Variants in CDKN2B-AS1 observed in about 807,000 individuals in gnomAD.
CDKN2B-AS1 encodes CDKN2B antisense RNA 1 (non-protein coding).
At chr9:21,998,550 G>C (rs1267018660) in intron 1 of CDKN2B-AS1, among the ~76,000 whole-genome samples, 2 of 152,180 alleles carry the variant, frequency 1.3e-5, no homozygotes, top group Non-Finnish European at 2.9e-5. Context: ...TTATCTGTGG[G>C]TCACTTATGC....
intron 1 of CDKN2B-AS1, among the ~76,000 whole-genome samples, chr9:22,023,453 G>T (rs939886616): frequency 2.0e-5 from 3 of 152,042 alleles, no homozygotes; most frequent in African/African-American, 7.2e-5. Flanking sequence ...AATTTTGGGG[G>T]TTGGGAGTGG....
intron 3 of CDKN2B-AS1, among the ~76,000 whole-genome samples, chr9:22,051,133 C>T (rs983520336): frequency 1.3e-5 from 2 of 152,140 alleles, no homozygotes; most frequent in Non-Finnish European, 2.9e-5. Context: ...CCTGTGCAGG[C>T]CTTCCTCTGG....
intron 4 of CDKN2B-AS1, among the ~76,000 whole-genome samples, chr9:22,096,845 A>G (rs949379655): frequency 7.9e-5 from 12 of 152,030 alleles, no homozygotes; most frequent in African/African-American, 2.4e-4. Flanking sequence ...TCATCAATCT[A>G]TTAGACTCAG....
chr9:22,081,276 T>C (rs1032291561), intron 4 of CDKN2B-AS1, among the ~76,000 whole-genome samples: 1 of 23,654 alleles, frequency 4.2e-5, no homozygotes, highest in African/African-American at 1.2e-3. Flanking sequence ...GTTCTTTAGC[T>C]TTTTTTTTTT....
At chr9:22,122,283 T>C (rs142487361) in intron 4 of CDKN2B-AS1, among the ~76,000 whole-genome samples, 49 of 152,216 alleles carry the variant, frequency 3.2e-4, no homozygotes, top group East Asian at 2.9e-3. Flanking sequence ...GTCCCTTATA[T>C]ATTCTAGATA....
chr9:22,077,408 T>C (rs1824537875), intron 4 of CDKN2B-AS1, among the ~76,000 whole-genome samples: 2 of 152,236 alleles, frequency 1.3e-5, no homozygotes, highest in Admixed American at 6.5e-5. Flanking sequence ...TCAGATTTTA[T>C]AACATTTGCA....
chr9:22,125,222 G>A (rs1176024737), intron 4 of CDKN2B-AS1, among the ~76,000 whole-genome samples: 1 of 152,166 alleles, frequency 6.6e-6, no homozygotes, highest in Non-Finnish European at 1.5e-5. Context: ...TGTTACTACT[G>A]AAGAAGTAAA....
chr9:22,085,758 TC>T (rs1359773780), intron 4 of CDKN2B-AS1, among the ~76,000 whole-genome samples: 1 of 150,928 alleles, frequency 6.6e-6, no homozygotes, highest in Admixed American at 6.6e-5. Flanking sequence ...TCTTTATATC[TC>T]AGGGTATCTT....
exon 5 of CDKN2B-AS1, among the ~76,000 whole-genome samples, chr9:22,127,238 C>T (rs973054701): frequency 1.3e-5 from 2 of 152,102 alleles, no homozygotes; most frequent in South Asian, 4.1e-4. Flanking sequence ...CCTGCCACCA[C>T]GCCCAGCTAA....
chr9:22,119,254 C>T (rs1332804928), intron 4 of CDKN2B-AS1: 2 of 152,096 alleles, frequency 1.3e-5, no homozygotes, highest in African/African-American at 4.8e-5. Flanking sequence ...TATATCTTAA[C>T]ATGTAATTAT....
intron 1 of CDKN2B-AS1, among the ~76,000 whole-genome samples, chr9:22,029,110 G>A (rs1348453354): frequency 6.6e-6 from 1 of 151,540 alleles, no homozygotes; most frequent in African/African-American, 2.4e-5. Flanking sequence ...TAGAAGAATA[G>A]CAGCTAATAT....
At chr9:22,103,753 C>T (rs953747137) in intron 4 of CDKN2B-AS1, among the ~76,000 whole-genome samples, 1 of 152,152 alleles carries the variant, frequency 6.6e-6, no homozygotes, top group African/African-American at 2.4e-5. Flanking sequence ...GTATTGTACT[C>T]CTTTAAAAAA....
At chr9:22,105,752 A>C (rs1825637142) in intron 4 of CDKN2B-AS1, among the ~76,000 whole-genome samples, 1 of 152,254 alleles carries the variant, frequency 6.6e-6, no homozygotes, top group Non-Finnish European at 1.5e-5. Flanking sequence ...ATGTGGGCCC[A>C]GAAATACTGT....
chr9:22,086,952 A>C (rs1824886032), intron 4 of CDKN2B-AS1, among the ~76,000 whole-genome samples: 2 of 152,206 alleles, frequency 1.3e-5, no homozygotes, highest in Non-Finnish European at 2.9e-5. Context: ...ATGTTAATGC[A>C]CACTATGGCA....
At chr9:22,098,068 T>C (rs976678069) in intron 4 of CDKN2B-AS1, among the ~76,000 whole-genome samples, 3 of 152,152 alleles carry the variant, frequency 2.0e-5, no homozygotes, top group Non-Finnish European at 4.4e-5. Flanking sequence ...TAGAGGCTCA[T>C]AAAGTCCATT....
intron 1 of CDKN2B-AS1, among the ~76,000 whole-genome samples, chr9:22,020,448 A>G (rs574723974): frequency 6.6e-6 from 1 of 152,286 alleles, no homozygotes; most frequent in East Asian, 1.9e-4. Context: ...TTGAGGAATC[A>G]TCGCACAGTC....
At chr9:22,043,696 A>T (rs1187700025) in intron 1 of CDKN2B-AS1, among the ~76,000 whole-genome samples, 1 of 152,000 alleles carries the variant, frequency 6.6e-6, no homozygotes, top group African/African-American at 2.4e-5. Context: ...CTATACTATT[A>T]TGCTTCTGAA....
At position 21,997,267 on chromosome 9, in the gene CDKN2B-AS1, G is replaced by A. The variant is rs1054419099; in HGVS notation, n.29+2106G>A. 1.3e-5 allele frequency among the ~76,000 whole-genome samples: 2 copies of A among 152,182 alleles called. No individual in the cohort carries two copies. The highest frequency in any genetic ancestry group is 4.8e-5 in the African/African-American group (2 of 41,448). ...AACACATCTAAACATAGAAAAGGTA[G>A]TATGTTGTGCTACAACTTTAGGACA... On this transcript the variant is annotated intron_variant and non_coding_transcript_variant, in intron 1 of 4. Transcript: ENST00000650946. The surrounding 1 kb of genome is among the most constrained non-coding windows in gnomAD (Gnocchi z 4.8).
At chr9:22,104,724 G>A (rs1427315127) in intron 4 of CDKN2B-AS1, among the ~76,000 whole-genome samples, 1 of 152,070 alleles carries the variant, frequency 6.6e-6, no homozygotes, top group African/African-American at 2.4e-5. Flanking sequence ...AATAAAAATT[G>A]TGTTTTGCAT....
Sources: allele counts gnomAD v4.1 joint callset (sites outside exome capture counted in the v4.1 genomes callset), GRCh38; gene constraint gnomAD v4.1.1; non-coding constraint Gnocchi (gnomAD v3.1); transcripts MANE v1.5; gene names NCBI Gene and HGNC (gene_info 2026-07-23, HGNC 2026-07-21).